Variants in GRIP1 observed in about 807,000 individuals in gnomAD.
GRIP1 encodes the protein glutamate receptor interacting protein 1, also known as glutamate receptor-interacting protein 1.
Under a neutral mutation model 129.9 loss-of-function variants are expected in GRIP1, and 45 were observed. The observed-to-expected ratio is 0.35, with a 90% confidence interval of 0.27 to 0.44. The LOEUF is 0.44. Ranked by LOEUF, GRIP1 falls within the 20% of genes least tolerant of loss-of-function variation. The probability of loss-of-function intolerance (pLI) is 1.00; values close to 1 mark genes in which losing one functional copy is unlikely to be tolerated. For synonymous variants in GRIP1, 530 were observed against 520.8 expected (o/e 1.02, Z -0.24); for missense variants, 1,196 against 1,396.8 (o/e 0.86, Z 2.29).
chr12:66,519,740 T>C (rs1015901813), intron 5 of GRIP1, among the ~76,000 whole-genome samples: 3 of 152,196 alleles, frequency 2.0e-5, no homozygotes, highest in African/African-American at 7.2e-5. Context: ...GGATGCTTTT[T>C]GAAAATATCA....
chr12:66,580,348 A>G (rs996710989), intron 2 of GRIP1, among the ~76,000 whole-genome samples: 3 of 150,698 alleles, frequency 2.0e-5, no homozygotes, highest in African/African-American at 7.3e-5. Context: ...AACTGCATCA[A>G]CTAACGAGCA....
chr12:66,916,892 C>T (rs2041132894), intron 1 of GRIP1, among the ~76,000 whole-genome samples: 1 of 152,082 alleles, frequency 6.6e-6, no homozygotes, highest in African/African-American at 2.4e-5. Flanking sequence ...ATTTCCATTG[C>T]TTTGTTAAAA....
intron 1 of GRIP1, among the ~76,000 whole-genome samples, chr12:66,612,597 T>C (rs868252250): frequency 1.3e-5 from 2 of 152,052 alleles, no homozygotes; most frequent in African/African-American, 4.8e-5. Context: ...TGACTGCCAC[T>C]GCACTCCAGC....
chr12:66,869,182 C>A (rs954150318), intron 1 of GRIP1, among the ~76,000 whole-genome samples: 3 of 151,938 alleles, frequency 2.0e-5, no homozygotes, highest in Admixed American at 2.0e-4. Context: ...GACAGCCTGG[C>A]ACACTGACCT....
intron 7 of GRIP1, among the ~76,000 whole-genome samples, chr12:66,481,455 C>A (rs2059803455): frequency 6.6e-6 from 1 of 152,140 alleles, no homozygotes; most frequent in African/African-American, 2.4e-5. Flanking sequence ...ACAACAGATG[C>A]TGGAGAGGAT....
intron 1 of GRIP1, among the ~76,000 whole-genome samples, chr12:67,001,900 GGTC>G (rs2042556140): frequency 6.6e-6 from 1 of 152,016 alleles, no homozygotes; most frequent in Non-Finnish European, 1.5e-5. Flanking sequence ...ACACCTGACA[GGTC>G]CCAACCTTCC....
intron 1 of GRIP1, among the ~76,000 whole-genome samples, chr12:66,777,168 G>A (rs553370196): frequency 2.0e-5 from 3 of 152,142 alleles, no homozygotes; most frequent in Non-Finnish European, 4.4e-5. Context: ...CCTTGAAAGT[G>A]CAACAAAGTG....
chr12:66,907,263 G>A (rs1027788257), intron 1 of GRIP1, among the ~76,000 whole-genome samples: 3 of 152,168 alleles, frequency 2.0e-5, no homozygotes, highest in Non-Finnish European at 4.4e-5. Context: ...TTTGAACTGG[G>A]TCGGGGAAAA....
intron 1 of GRIP1, among the ~76,000 whole-genome samples, chr12:66,828,275 A>G (rs1921003): frequency 0.27 from 41,159 of 152,174 alleles, 6,819 homozygotes; most frequent in Non-Finnish European, 0.37. Context: ...AAAGAGAGCA[A>G]GAGACTGCCA....
At chr12:66,653,703 ACAT>A (rs1486582041) in intron 1 of GRIP1, among the ~76,000 whole-genome samples, 3 of 152,216 alleles carry the variant, frequency 2.0e-5, no homozygotes, top group African/African-American at 4.8e-5. Context: ...ACTGCCTGAA[ACAT>A]CAACACAATT....
At chr12:66,431,045 C>T (rs2058133108) in intron 14 of GRIP1, among the ~76,000 whole-genome samples, 1 of 152,148 alleles carries the variant, frequency 6.6e-6, no homozygotes, top group African/African-American at 2.4e-5. Context: ...CTAGTTCTGA[C>T]AGAATAAATG....
In GRIP1 at chr12:66,613,047, A is replaced by G. The variant is rs1258141246; in HGVS notation, c.56-16120T>C. 2.0e-5 allele frequency among the ~76,000 whole-genome samples: 3 copies of G among 152,316 alleles called. No homozygotes were observed. The East Asian group carries it at 5.8e-4, about 29-fold the overall frequency. ...GCAGGGCTAAAAATGGCTCCTTAAA[A>G]GCATAGTTAAATAATCCCCTAAATA... On this transcript the variant is annotated intron_variant, in intron 1 of 24. Transcript: ENST00000359742.
intron 1 of GRIP1, among the ~76,000 whole-genome samples, chr12:66,949,679 C>T (rs572024663): frequency 1.5e-4 from 23 of 151,710 alleles, no homozygotes; most frequent in South Asian, 8.3e-4. Flanking sequence ...TTCTGATGGG[C>T]CATGGCATAT....
At chr12:66,665,464 C>G (rs537050473) in intron 1 of GRIP1, among the ~76,000 whole-genome samples, 1 of 152,064 alleles carries the variant, frequency 6.6e-6, no homozygotes, top group Non-Finnish European at 1.5e-5. Flanking sequence ...GTGTGTGTGT[C>G]CTCCCTGAAG....
rs1004637087 is a variant in GRIP1 at position 66,524,435 on chromosome 12, A to G, written c.502+5396T>C. Among the ~76,000 whole-genome samples, 16 of 152,300 alleles carry G rather than the reference A, an allele frequency of 1.1e-4. 1 individual carries two copies. The East Asian group carries it at 3.1e-3, about 29-fold the overall frequency. Reference sequence around the variant, plus strand: ...ACCTGCTCCTGAATGACTACTGGGTACATAACGAAATGAAGGCAGAAACAA... The same window carrying G: ...ACCTGCTCCTGAATGACTACTGGGTGCATAACGAAATGAAGGCAGAAACAA... On this transcript the variant is annotated intron_variant, in intron 5 of 24. Coordinates refer to ENST00000359742, the MANE Select transcript of GRIP1 (RefSeq NM_001366722.1).
chr12:66,407,038 C>CA (rs913219940), intron 15 of GRIP1, among the ~76,000 whole-genome samples: 56 of 151,620 alleles, frequency 3.7e-4, no homozygotes, highest in South Asian at 1.2e-3. Flanking sequence ...AATGAAACAA[C>CA]AAAAAAAATA....
At chr12:66,679,987 T>C (rs1032056805), upstream of GRIP1, among the ~76,000 whole-genome samples, 1 of 152,090 alleles carries the variant, frequency 6.6e-6, no homozygotes, top group Non-Finnish European at 1.5e-5. Context: ...GCTCGCCATA[T>C]AGTCAATACG....
chr12:66,611,661 T>G (rs553920651), intron 1 of GRIP1, among the ~76,000 whole-genome samples: 51 of 152,306 alleles, frequency 3.3e-4, no homozygotes, highest in African/African-American at 6.5e-4. Context: ...TCTCTTCTCA[T>G]TTAGACTGAA....
At chr12:66,539,545 CTTTTTTT>C (rs35373698) in intron 3 of GRIP1, among the ~76,000 whole-genome samples, 6 of 59,292 alleles carry the variant, frequency 1.0e-4, no homozygotes, top group Middle Eastern at 0.023. Flanking sequence ...TCAAGAGAAG[CTTTTTTT>C]TTTTTTTTTT....
Sources: allele counts gnomAD v4.1 joint callset (sites outside exome capture counted in the v4.1 genomes callset), GRCh38; gene constraint gnomAD v4.1.1; transcripts MANE v1.5; gene names NCBI Gene and HGNC (gene_info 2026-07-23, HGNC 2026-07-21).